Variants in PRKD3 observed in about 807,000 individuals in gnomAD.
PRKD3 encodes the protein serine/threonine-protein kinase D3.
In PRKD3, 47 loss-of-function variants were observed where a neutral mutation model predicts 99.2. The ratio of observed to expected loss-of-function variants is 0.47; its 90% CI spans 0.38 to 0.60. The LOEUF (loss-of-function observed/expected upper bound fraction) is 0.60, where lower values mean the gene tolerates loss of function less well. Among genes scored for constraint, PRKD3 ranks in the 20% least tolerant of loss-of-function variants. PRKD3 has a pLI of 0.00. For missense variants in PRKD3, 1,019 were observed against 1,088.4 expected (o/e 0.94, Z 0.90); for synonymous variants, 392 against 355.4 (o/e 1.10, Z -1.16).
At chr2:37,294,774 A>T (rs952285563) in intron 2 of PRKD3, among the ~76,000 whole-genome samples, 8 of 152,182 alleles carry the variant, frequency 5.3e-5, no homozygotes, top group Non-Finnish European at 1.2e-4. Context: ...TCCACATTCC[A>T]TCCTCATTAA....
At chr2:37,308,538 T>A (rs1366458602) in intron 2 of PRKD3, among the ~76,000 whole-genome samples, 1 of 19,098 alleles carries the variant, frequency 5.2e-5, no homozygotes, top group African/African-American at 1.9e-4. Flanking sequence ...CCCACCTCCC[T>A]CCCCACCCAG....
intron 11 of PRKD3, 70 bp downstream of exon 11, chr2:37,274,351 A>G: frequency 6.5e-7 from 1 of 1,543,764 alleles, no homozygotes; most frequent in Middle Eastern, 1.8e-4. Context: ...GAACAAAGGA[A>G]CACAACCATA....
chr2:37,317,553 C>G (rs541903212), intron 1 of PRKD3, among the ~76,000 whole-genome samples: 5 of 152,100 alleles, frequency 3.3e-5, no homozygotes, highest in African/African-American at 1.2e-4. Context: ...CATAGACATA[C>G]AATACATGCC....
intron 16 of PRKD3, among the ~76,000 whole-genome samples, chr2:37,258,968 T>A (rs1668194073): frequency 6.6e-6 from 1 of 152,042 alleles, no homozygotes; most frequent in Non-Finnish European, 1.5e-5. Flanking sequence ...ACCACTTATT[T>A]CTCAGGATGG....
chr2:37,280,327 G>A (rs762511222), intron 7 of PRKD3, among the ~76,000 whole-genome samples: 4 of 152,096 alleles, frequency 2.6e-5, no homozygotes, highest in Non-Finnish European at 5.9e-5. Flanking sequence ...TTACAGGCGT[G>A]AGCCACCACG....
At chr2:37,260,836 ATAT>A (rs1401882994) in intron 14 of PRKD3, among the ~76,000 whole-genome samples, 2 of 152,196 alleles carry the variant, frequency 1.3e-5, no homozygotes, top group African/African-American at 2.4e-5. Flanking sequence ...GATTCTTATA[ATAT>A]TATAATCATT....
intron 2 of PRKD3, among the ~76,000 whole-genome samples, chr2:37,304,985 C>T (rs1489704983): frequency 1.3e-5 from 2 of 151,978 alleles, no homozygotes; most frequent in Non-Finnish European, 2.9e-5. Flanking sequence ...CCAGTTTGAG[C>T]TTTCAGATTA....
rs774900913 is a variant in PRKD3 at position 37,274,591 on chromosome 2, A to ATAGT, written c.1480_1481insACTA (p.Val494AspfsTer7). On this transcript the variant is annotated frameshift_variant, in exon 11 of 19. Coordinates refer to ENST00000234179, the MANE Select transcript of PRKD3 (RefSeq NM_005813.6). LOFTEE classifies it high-confidence loss of function. ...CCCATTGTTCTCACCAACGAAGTATACCATAGTATCAGTAATGATTTCAAA... is the reference window on the plus strand; with the variant it reads ...CCCATTGTTCTCACCAACGAAGTATATAGTCCATAGTATCAGTAATGATTTCAAA... 6.2e-7 allele frequency: 1 copy of ATAGT among 1,614,132 alleles called. No homozygotes were observed.
intron 2 of PRKD3, among the ~76,000 whole-genome samples, chr2:37,298,048 T>A (rs1212719958): frequency 6.6e-6 from 1 of 152,216 alleles, no homozygotes; most frequent in African/African-American, 2.4e-5. Flanking sequence ...TTTCCCCCAC[T>A]TATTTATTCA....
At chr2:37,309,254 T>C (rs921922227) in intron 2 of PRKD3, among the ~76,000 whole-genome samples, 3 of 152,232 alleles carry the variant, frequency 2.0e-5, no homozygotes, top group African/African-American at 4.8e-5. Context: ...AATGGAGATA[T>C]TTATGCACTC....
chr2:37,268,409 A>C (rs1415556160), intron 13 of PRKD3: 1 of 465,944 alleles, frequency 2.1e-6, no homozygotes, highest in African/African-American at 2.0e-5. Context: ...ATATGCATGC[A>C]GAGTCAACAC....
At chr2:37,257,946 C>A (rs1157667257) in intron 16 of PRKD3, among the ~76,000 whole-genome samples, 1 of 152,082 alleles carries the variant, frequency 6.6e-6, no homozygotes, top group Non-Finnish European at 1.5e-5. Context: ...ATAGTCACTA[C>A]CACATCCTCT....
chr2:37,252,841 T>TATATATATATATATATA lies in PRKD3; in HGVS notation c.*335_*336insTATATATATATATATAT. 1 of 80,520 alleles carries TATATATATATATATATA rather than the reference T, an allele frequency of 1.2e-5. No homozygotes were observed. Among genetic ancestry groups the TATATATATATATATATA allele is most frequent in the South Asian group, 4.8e-4 (1 of 2,084 alleles). The allele number at this position is 80,520 out of a possible 1,614,324, so 5.0% of individuals were successfully genotyped here. ...ATTAAAAAAACAAACAAACATATAT[T>TATATATATATATATATA]TATATTTATATATATATATATAAAG... On this transcript the variant is annotated 3_prime_UTR_variant, in exon 19 of 19. Coordinates refer to ENST00000234179, the MANE Select transcript of PRKD3 (RefSeq NM_005813.6).
chr2:37,315,002 T>A (rs900402980), intron 2 of PRKD3, among the ~76,000 whole-genome samples: 4 of 152,128 alleles, frequency 2.6e-5, no homozygotes, highest in African/African-American at 9.7e-5. Context: ...ATCTTTTGGA[T>A]GGGTAATTAT....
intron 2 of PRKD3, among the ~76,000 whole-genome samples, chr2:37,309,846 CAAAAAAAAAAA>C (rs33959650): frequency 5.1e-5 from 5 of 98,422 alleles, no homozygotes; most frequent in Non-Finnish European, 8.1e-5. Context: ...GACTCCGTCT[CAAAAAAAAAAA>C]AAAAAAAAAA....
At chr2:37,263,050 A>G (rs1348670500) in intron 14 of PRKD3, among the ~76,000 whole-genome samples, 1 of 151,798 alleles carries the variant, frequency 6.6e-6, no homozygotes. Flanking sequence ...ATTAATTTTC[A>G]TTTTTGATCT....
chr2:37,255,760 C>G (rs1210349959), intron 17 of PRKD3, among the ~76,000 whole-genome samples: 3 of 152,272 alleles, frequency 2.0e-5, no homozygotes, highest in East Asian at 3.9e-4. Context: ...AATCCCAGCA[C>G]TTTGGGAGGT....
intron 2 of PRKD3, among the ~76,000 whole-genome samples, chr2:37,309,841 C>T (rs1230697219): frequency 1.8e-5 from 2 of 111,434 alleles, no homozygotes; most frequent in African/African-American, 6.6e-5. Context: ...AGCGAGACTC[C>T]GTCTCAAAAA....
At chr2:37,279,682 TTCTTAATGAGA>T in intron 8 of PRKD3, 53 bp downstream of exon 8, 1 of 1,352,774 alleles carries the variant, frequency 7.4e-7, no homozygotes. Context: ...ACGTGGCTTT[TTCTTAATGAGA>T]TCCTGAACTG....
Sources: allele counts gnomAD v4.1 joint callset (sites outside exome capture counted in the v4.1 genomes callset), GRCh38; gene constraint gnomAD v4.1.1; transcripts MANE v1.5; gene names NCBI Gene and HGNC (gene_info 2026-07-23, HGNC 2026-07-21).